The following DLGAP1 variants were observed in gnomAD, a reference collection of about 807,000 sequenced individuals.
DLGAP1 encodes the protein DLG associated protein 1.
DLGAP1 carries 11 observed loss-of-function variants against 90.8 expected under a neutral mutation model. The observed-to-expected ratio is 0.12, with a 90% CI of 0.08 to 0.20. The LOEUF (loss-of-function observed/expected upper bound fraction) is 0.20, where lower values mean the gene tolerates loss of function less well. Ranked by LOEUF, DLGAP1 falls within the 10% of genes least tolerant of loss-of-function variation. The pLI is 1.00. For missense variants in DLGAP1, 1,050 were observed against 1,333.8 expected, an observed-to-expected ratio of 0.79 and a Z score of 3.31; for synonymous variants, 558 against 540.7, an observed-to-expected ratio of 1.03 and a Z score of -0.44.
intron 1 of DLGAP1, among the ~76,000 whole-genome samples, chr18:4,416,850 C>T (rs142017567): frequency 2.6e-5 from 4 of 152,314 alleles, no homozygotes; most frequent in Admixed American, 2.6e-4. Flanking sequence ...AGTTCAGACA[C>T]TGACTAGGTT....
At chr18:3,874,297 C>T (rs1288332196) in intron 4 of DLGAP1, 10 of 1,547,048 alleles carry the variant, frequency 6.5e-6, no homozygotes, top group Admixed American at 2.0e-5. Flanking sequence ...CTCTCTCGCT[C>T]CCTCTGTCTC....
At chr18:3,627,895 T>TTTTA (rs2058358301) in intron 7 of DLGAP1, among the ~76,000 whole-genome samples, 1 of 114,306 alleles carries the variant, frequency 8.7e-6, no homozygotes, top group Admixed American at 8.9e-5. Context: ...TTTTTTTTTT[T>TTTTA]GAGATGGAGT....
chr18:4,387,424 T>C (rs2082252520), intron 1 of DLGAP1, among the ~76,000 whole-genome samples: 1 of 152,220 alleles, frequency 6.6e-6, no homozygotes, highest in African/African-American at 2.4e-5. Flanking sequence ...TTATAAGTAA[T>C]TGTGATGGAA....
chr18:4,326,852 G>A (rs924502260), intron 1 of DLGAP1, among the ~76,000 whole-genome samples: 7 of 152,046 alleles, frequency 4.6e-5, no homozygotes, highest in Non-Finnish European at 1.0e-4. Flanking sequence ...CCTACTTGAG[G>A]GTGAAGCGTA....
chr18:3,550,552 GC>G (rs1412151774), intron 9 of DLGAP1, among the ~76,000 whole-genome samples: 1 of 151,992 alleles, frequency 6.6e-6, no homozygotes, highest in East Asian at 1.9e-4. Context: ...GGTGATTGAG[GC>G]CCCAAGGGTG....
intron 7 of DLGAP1, among the ~76,000 whole-genome samples, chr18:3,630,846 A>G (rs1818769622): frequency 6.6e-6 from 1 of 152,226 alleles, no homozygotes. Flanking sequence ...TGTATGTGGC[A>G]CTTTGCAAAA....
At chr18:3,617,589 C>T (rs1199930516) in intron 7 of DLGAP1, among the ~76,000 whole-genome samples, 1 of 32,436 alleles carries the variant, frequency 3.1e-5, no homozygotes, top group East Asian at 9.2e-4. Flanking sequence ...GAAACTCCAT[C>T]TCAAAAAAAA....
intron 1 of DLGAP1, among the ~76,000 whole-genome samples, chr18:4,192,048 T>C (rs1346868659): frequency 6.6e-6 from 1 of 152,144 alleles, no homozygotes; most frequent in Non-Finnish European, 1.5e-5. Context: ...TATTCAAATT[T>C]AGATAATATA....
chr18:3,882,580 C>T (rs1259736529), intron 3 of DLGAP1, among the ~76,000 whole-genome samples: 1 of 152,020 alleles, frequency 6.6e-6, no homozygotes, highest in Non-Finnish European at 1.5e-5. Context: ...AAGGATGGCC[C>T]TTGAAAAGTT....
chr18:3,731,766 A>T (rs942680854), intron 6 of DLGAP1, among the ~76,000 whole-genome samples: 1 of 152,082 alleles, frequency 6.6e-6, no homozygotes, highest in African/African-American at 2.4e-5. Flanking sequence ...TATTTTCATT[A>T]TACACAGATA....
At chr18:4,370,193 A>G (rs2081885617) in intron 1 of DLGAP1, among the ~76,000 whole-genome samples, 1 of 152,214 alleles carries the variant, frequency 6.6e-6, no homozygotes, top group African/African-American at 2.4e-5. Flanking sequence ...AGGGAGAAGC[A>G]ATATGAAGAA....
intron 1 of DLGAP1, among the ~76,000 whole-genome samples, chr18:4,447,524 G>A (rs2083697606): frequency 6.6e-6 from 1 of 152,112 alleles, no homozygotes; most frequent in South Asian, 2.1e-4. Flanking sequence ...GAGTCCCTCT[G>A]AGGGAAGACA....
At chr18:3,770,532 A>G (rs1423031800) in intron 5 of DLGAP1, among the ~76,000 whole-genome samples, 2 of 152,208 alleles carry the variant, frequency 1.3e-5, no homozygotes, top group Admixed American at 1.3e-4. Flanking sequence ...ATGAATGCCC[A>G]TTCATTGGCT....
chr18:4,440,044 C>T (rs955770083), intron 1 of DLGAP1, among the ~76,000 whole-genome samples: 6 of 140,394 alleles, frequency 4.3e-5, no homozygotes, highest in African/African-American at 8.0e-5. Flanking sequence ...GGCGTGAACC[C>T]GGGAGGCAGA....
At chr18:4,176,660 C>T (rs1344534489) in intron 1 of DLGAP1, among the ~76,000 whole-genome samples, 2 of 152,182 alleles carry the variant, frequency 1.3e-5, no homozygotes, top group Admixed American at 1.3e-4. Flanking sequence ...GATATTAATA[C>T]TATTACTAAT....
chr18:3,811,206 G>A lies in DLGAP1; in HGVS notation c.1172+2853C>T, dbSNP rs1598842373. Among the ~76,000 whole-genome samples the A allele has an allele frequency of 2.0e-5, 3 of 152,198 alleles. No individual in the cohort carries two copies. The South Asian group carries it at 6.2e-4, about 31-fold the overall frequency. On this transcript the variant is annotated intron_variant, in intron 5 of 12. Coordinates refer to ENST00000315677, the MANE Select transcript of DLGAP1 (RefSeq NM_004746.4). Reference sequence around the variant, plus strand: ...GACAAAGGGAACTCATAAAATAGGTGAGTGTGAAACGAATGGAGGTAAGTG... The same window carrying A: ...GACAAAGGGAACTCATAAAATAGGTAAGTGTGAAACGAATGGAGGTAAGTG...
At chr18:4,256,135 C>T (rs888174320) in intron 1 of DLGAP1, among the ~76,000 whole-genome samples, 1 of 152,156 alleles carries the variant, frequency 6.6e-6, no homozygotes, top group Non-Finnish European at 1.5e-5. Context: ...GTCCTGGGGC[C>T]ACAGTGAATC....
intron 2 of DLGAP1, among the ~76,000 whole-genome samples, chr18:4,119,860 A>G (rs1419932745): frequency 1.3e-5 from 2 of 152,226 alleles, no homozygotes; most frequent in Admixed American, 1.3e-4. Context: ...ATGAGACATC[A>G]TTTGGATACA....
chr18:3,609,916 G>GCCAA (rs2057519597), intron 7 of DLGAP1, among the ~76,000 whole-genome samples: 1 of 151,452 alleles, frequency 6.6e-6, no homozygotes, highest in African/African-American at 2.4e-5. Context: ...AAATTAACTG[G>GCCAA]GCGTGGTGGC....
Sources: gnomAD v4.1 joint callset for allele counts (sites outside exome capture counted in the v4.1 genomes callset) on GRCh38, gnomAD v4.1.1 for gene constraint, MANE v1.5 for transcripts, NCBI Gene and HGNC (gene_info 2026-07-23, HGNC 2026-07-21) for gene names.